PLPP3: variants seen among roughly 807,000 people sequenced by gnomAD.
PLPP3 encodes the protein PAP2 beta.
A neutral mutation model predicts 29.6 loss-of-function variants in PLPP3; 6 were observed. The observed-to-expected ratio is 0.20, with a 90% CI of 0.11 to 0.40. The LOEUF (loss-of-function observed/expected upper bound fraction) is 0.40, where lower values mean the gene tolerates loss of function less well. Ranked by LOEUF, PLPP3 falls within the 10% of genes least tolerant of loss-of-function variation. The pLI is 1.00. For missense variants in PLPP3, 308 were observed against 407.7 expected (o/e 0.76, Z 2.11); for synonymous variants, 152 against 159.7 (o/e 0.95, Z 0.36).
intron 1 of PLPP3, among the ~76,000 whole-genome samples, chr1:56,561,908 G>A (rs1012060391): frequency 6.6e-6 from 1 of 151,790 alleles, no homozygotes; most frequent in Non-Finnish European, 1.5e-5. Context: ...GGTAGCACAC[G>A]CCTGTAATCC....
At chr1:56,553,229 A>G (rs1030073683) in intron 1 of PLPP3, among the ~76,000 whole-genome samples, 14 of 152,182 alleles carry the variant, frequency 9.2e-5, no homozygotes, top group African/African-American at 3.1e-4. Context: ...TGCAGGGCCA[A>G]TGTTTAATAT....
At chr1:56,530,110 C>CA (rs1645877707) in intron 2 of PLPP3, among the ~76,000 whole-genome samples, 2 of 142,490 alleles carry the variant, frequency 1.4e-5, no homozygotes, top group South Asian at 4.5e-4. Context: ...ACCTCTTACT[C>CA]TTTTTTTTTT....
chr1:56,552,817 A>T (rs540352694), intron 1 of PLPP3, among the ~76,000 whole-genome samples: 1 of 152,186 alleles, frequency 6.6e-6, no homozygotes. Flanking sequence ...TTCAAGATAC[A>T]GGAGAAAATA....
rs1345474501 is a variant in PLPP3 at position 56,574,579 on chromosome 1, A to G, written c.139+4299T>C. 5.9e-5 allele frequency among the ~76,000 whole-genome samples: 9 copies of G among 152,236 alleles called. No individual in the cohort carries two copies. In the South Asian group the frequency reaches 1.5e-3, roughly 25 times the overall value. ...GAGGCTCTTTTCTTTATTTTAATCT[A>G]CGAAGGATGGTTGGCTAGGCAATTT... is the stretch of plus-strand genomic sequence containing the variant. On this transcript the variant is annotated intron_variant, in intron 1 of 5. Coordinates refer to ENST00000371250, the MANE Select transcript of PLPP3 (RefSeq NM_003713.5).
chr1:56,527,753 C>G (rs1372966286), intron 2 of PLPP3, among the ~76,000 whole-genome samples: 1 of 152,138 alleles, frequency 6.6e-6, no homozygotes, highest in Non-Finnish European at 1.5e-5. Flanking sequence ...GCGGACTTGG[C>G]TTCTTGTAAT....
intron 1 of PLPP3, among the ~76,000 whole-genome samples, chr1:56,556,267 G>T (rs1360750687): frequency 2.0e-5 from 3 of 152,168 alleles, no homozygotes; most frequent in Non-Finnish European, 4.4e-5. Context: ...CATATGACTG[G>T]TGTCCCTATA....
At chr1:56,560,521 CA>C (rs1475912610) in intron 1 of PLPP3, among the ~76,000 whole-genome samples, 1 of 152,108 alleles carries the variant, frequency 6.6e-6, no homozygotes, top group Non-Finnish European at 1.5e-5. Context: ...CTTTCTATTT[CA>C]AAGATGGCCC....
intron 4 of PLPP3, among the ~76,000 whole-genome samples, chr1:56,516,291 C>G (rs528211993): frequency 1.5e-4 from 23 of 152,298 alleles, no homozygotes; most frequent in African/African-American, 5.3e-4. Context: ...TTGGGCCTCA[C>G]TAGGATCAGT....
chr1:56,570,741 G>A (rs1646191976), intron 1 of PLPP3, among the ~76,000 whole-genome samples: 1 of 151,964 alleles, frequency 6.6e-6, no homozygotes. Flanking sequence ...CTTTTAAAAA[G>A]CAAAAATAAA....
At chr1:56,557,066 GAAAGAA>G (rs1646088045) in intron 1 of PLPP3, among the ~76,000 whole-genome samples, 3 of 125,854 alleles carry the variant, frequency 2.4e-5, no homozygotes, top group Non-Finnish European at 5.2e-5. Flanking sequence ...GAGAAAGAAA[GAAAGAA>G]AGAAAAAATG....
chr1:56,550,124 G>A (rs1036458451), intron 1 of PLPP3, among the ~76,000 whole-genome samples: 1 of 152,138 alleles, frequency 6.6e-6, no homozygotes, highest in Non-Finnish European at 1.5e-5. Context: ...TGGAGCTAAG[G>A]AGGGGAGCCA....
intron 2 of PLPP3, among the ~76,000 whole-genome samples, chr1:56,535,735 T>C (rs1345796797): frequency 2.0e-5 from 3 of 152,152 alleles, no homozygotes; most frequent in Non-Finnish European, 4.4e-5. Flanking sequence ...ACATGAACTC[T>C]AAAGAAGCTA....
chr1:56,562,367 A>G (rs928515858), intron 1 of PLPP3, among the ~76,000 whole-genome samples: 1 of 152,198 alleles, frequency 6.6e-6, no homozygotes, highest in Non-Finnish European at 1.5e-5. Context: ...CTCACTGCAT[A>G]AAGAATACAC....
At chr1:56,539,138 T>C (rs1233936549) in intron 1 of PLPP3, among the ~76,000 whole-genome samples, 1 of 152,136 alleles carries the variant, frequency 6.6e-6, no homozygotes, top group East Asian at 1.9e-4. Flanking sequence ...TTAGTCCACC[T>C]CCAAATGCTT....
intron 5 of PLPP3, among the ~76,000 whole-genome samples, chr1:56,502,864 C>T (rs1276055580): frequency 6.6e-6 from 1 of 152,222 alleles, no homozygotes; most frequent in Non-Finnish European, 1.5e-5. Flanking sequence ...AGAGCTCCAC[C>T]ATGTGAGCGT....
rs548303471 is a variant in PLPP3 at position 56,549,211 on chromosome 1, G to A, written c.140-12099C>T. Reference sequence around the variant, plus strand: ...AAATAAATTGAAATCCACTGGAGGCGTTCTATTCTGTGTGGCCGTTCTTTT... The same window carrying A: ...AAATAAATTGAAATCCACTGGAGGCATTCTATTCTGTGTGGCCGTTCTTTT... On this transcript the variant is annotated intron_variant, in intron 1 of 5. Coordinates refer to ENST00000371250, the MANE Select transcript of PLPP3 (RefSeq NM_003713.5). Among the ~76,000 whole-genome samples, 25 of 152,226 alleles carry A rather than the reference G, an allele frequency of 1.6e-4. No homozygotes were observed. The South Asian group carries it at 3.9e-3, about 24-fold the overall frequency.
At position 56,536,967 on chromosome 1, in the gene PLPP3, A is replaced by G. The variant is rs756098207; in HGVS notation, c.285T>C (p.Ile95=). The stretch of plus-strand genomic sequence containing the variant: ...TCTGGACACTTACCGCGAGGATGGC[A>G]ATGACGATCCCCACGGCACAGAGCA... ...DAVLCAVGIV[I]AILAIITGEF... Residue 95 remains isoleucine, a synonymous_variant, in exon 2 of 6, where the codon ATT becomes ATC. Coordinates refer to ENST00000371250, the MANE Select transcript of PLPP3 (RefSeq NM_003713.5). The G allele has an allele frequency of 5.0e-6, 8 of 1,613,626 alleles. No homozygotes were observed. The African/African-American group carries it at 1.1e-4, about 22-fold the overall frequency.
In PLPP3 at chr1:56,554,680, G is replaced by T. The variant is rs148613512; in HGVS notation, c.140-17568C>A. Reference sequence around the variant, plus strand: ...CTCAAAATACATTAGAATAAAGAAAGATGACTAGGGTAGCTCTTTGTCTCT... The same window carrying T: ...CTCAAAATACATTAGAATAAAGAAATATGACTAGGGTAGCTCTTTGTCTCT... On this transcript the variant is annotated intron_variant, in intron 1 of 5. Coordinates refer to ENST00000371250, the MANE Select transcript of PLPP3 (RefSeq NM_003713.5). Among the ~76,000 whole-genome samples, 20 of 152,038 alleles carry T rather than the reference G, an allele frequency of 1.3e-4. No individual in the cohort carries two copies. In the East Asian group the frequency reaches 3.9e-3, roughly 29 times the overall value.
intron 5 of PLPP3, among the ~76,000 whole-genome samples, chr1:56,499,119 A>C (rs1645649338): frequency 2.7e-5 from 3 of 110,966 alleles, no homozygotes; most frequent in Admixed American, 1.3e-4. Context: ...AGAATCTACC[A>C]CCTCAATCTA....
Sources: gnomAD v4.1 joint callset for allele counts (sites outside exome capture counted in the v4.1 genomes callset) on GRCh38, gnomAD v4.1.1 for gene constraint, MANE v1.5 for transcripts, NCBI Gene and HGNC (gene_info 2026-07-23, HGNC 2026-07-21) for gene names.